RGS7: variants seen among roughly 807,000 people sequenced by gnomAD.
The protein encoded by RGS7 is regulator of G protein signaling 7, also known as regulator of G-protein signaling 7.
Under a neutral mutation model 81.1 loss-of-function variants are expected in RGS7, and 27 were observed. The ratio of observed to expected loss-of-function variants is 0.33; its 90% CI spans 0.25 to 0.46. RGS7 has a LOEUF of 0.46. Among genes scored for constraint, RGS7 ranks in the 20% least tolerant of loss-of-function variants. The probability of loss-of-function intolerance (pLI) is 1.00; values close to 1 mark genes in which losing one functional copy is unlikely to be tolerated. For synonymous variants in RGS7, 208 were observed against 207.7 expected, an observed-to-expected ratio of 1.00 and a Z score of -0.01; for missense variants, 396 against 607.4, an observed-to-expected ratio of 0.65 and a Z score of 3.66.
intron 2 of RGS7, among the ~76,000 whole-genome samples, chr1:241,241,872 C>A (rs959245643): frequency 3.3e-5 from 5 of 151,850 alleles, no homozygotes; most frequent in African/African-American, 1.2e-4. Flanking sequence ...ATACTGTGTT[C>A]GCTTTTTGAA....
chr1:241,286,723 C>A (rs1156720939), intron 2 of RGS7, among the ~76,000 whole-genome samples: 1 of 152,184 alleles, frequency 6.6e-6, no homozygotes, highest in Admixed American at 6.5e-5. Context: ...CTTGCTGCTG[C>A]CAGCCCAACT....
chr1:241,030,762 T>A (rs2060047590), intron 3 of RGS7, among the ~76,000 whole-genome samples: 1 of 152,096 alleles, frequency 6.6e-6, no homozygotes, highest in South Asian at 2.1e-4. Context: ...CTTTTCTCTG[T>A]ATAGCAGCTG....
At chr1:240,843,277 T>C (rs2147890966) in intron 9 of RGS7, among the ~76,000 whole-genome samples, 1 of 152,294 alleles carries the variant, frequency 6.6e-6, no homozygotes, top group East Asian at 1.9e-4. Context: ...CTTTTTTCTT[T>C]TTTTTTGGGA....
intron 4 of RGS7, among the ~76,000 whole-genome samples, chr1:240,970,293 C>A (rs754128095): frequency 2.0e-5 from 3 of 152,126 alleles, no homozygotes; most frequent in Non-Finnish European, 2.9e-5. Flanking sequence ...GGGAAATACC[C>A]CCTACTTTGG....
intron 6 of RGS7, among the ~76,000 whole-genome samples, chr1:240,900,266 G>A (rs1669764976): frequency 6.6e-6 from 1 of 152,096 alleles, no homozygotes; most frequent in South Asian, 2.1e-4. Context: ...TGTTATTACC[G>A]ATCGTCTGAA....
intron 3 of RGS7, among the ~76,000 whole-genome samples, chr1:240,984,855 A>G (rs1685424346): frequency 6.6e-6 from 1 of 152,230 alleles, no homozygotes. Context: ...ACTTGACAAT[A>G]AAGTCCCAAA....
intron 18 of RGS7, among the ~76,000 whole-genome samples, chr1:240,800,318 C>A (rs571025256): frequency 6.6e-6 from 1 of 152,102 alleles, no homozygotes; most frequent in Non-Finnish European, 1.5e-5. Flanking sequence ...ATTCTCCATC[C>A]CTTTAATTCA....
At chr1:240,972,696 TAAAAA>T (rs34149848) in intron 4 of RGS7, among the ~76,000 whole-genome samples, 2 of 103,618 alleles carry the variant, frequency 1.9e-5, no homozygotes, top group African/African-American at 7.5e-5. Context: ...TAAAGTATAA[TAAAAA>T]AAAAAAAAAC....
chr1:240,866,510 C>CAA lies in RGS7; in HGVS notation c.609+2075_609+2076dup, dbSNP rs35934752. Among the ~76,000 whole-genome samples, 655 of 107,422 alleles carry CAA rather than the reference C, an allele frequency of 6.1e-3. 3 individuals carry two copies. Among genetic ancestry groups the CAA allele is most frequent in the African/African-American group, 0.021 (596 of 28,130 alleles). 70.5% of individuals were successfully genotyped at this position (107,422 alleles called of 152,430 possible). Reference sequence around the variant, plus strand: ...TGGGCAACAGAGCGAGACTCCGTCTCAAAAAAAAAAAAAAAAAGTTCAACA... The same window carrying CAA: ...TGGGCAACAGAGCGAGACTCCGTCTCAAAAAAAAAAAAAAAAAAAGTTCAACA... On this transcript the variant is annotated intron_variant, in intron 9 of 18. Coordinates refer to ENST00000440928, the MANE Select transcript of RGS7 (RefSeq NM_001364886.1).
At chr1:241,211,177 C>T (rs2074220991) in intron 2 of RGS7, among the ~76,000 whole-genome samples, 2 of 152,002 alleles carry the variant, frequency 1.3e-5, no homozygotes, top group Admixed American at 1.3e-4. Context: ...CCCAGCTACT[C>T]GGGAGGCTGA....
At chr1:241,275,289 C>G (rs2078134097) in intron 2 of RGS7, among the ~76,000 whole-genome samples, 1 of 152,188 alleles carries the variant, frequency 6.6e-6, no homozygotes, top group African/African-American at 2.4e-5. Context: ...GGTGGAGTAC[C>G]TACTAATTTA....
chr1:241,013,205 G>C (rs2059057360), intron 3 of RGS7, among the ~76,000 whole-genome samples: 1 of 151,956 alleles, frequency 6.6e-6, no homozygotes, highest in African/African-American at 2.4e-5. Context: ...TAGGATTACA[G>C]GTGTGCACCA....
chr1:240,996,723 G>A (rs1025861904), intron 3 of RGS7, among the ~76,000 whole-genome samples: 2 of 152,136 alleles, frequency 1.3e-5, no homozygotes, highest in Non-Finnish European at 2.9e-5. Flanking sequence ...GGGATAGCAT[G>A]TAGTTGAGCC....
At chr1:241,078,982 A>G (rs1327431408) in intron 3 of RGS7, among the ~76,000 whole-genome samples, 1 of 152,212 alleles carries the variant, frequency 6.6e-6, no homozygotes, top group Non-Finnish European at 1.5e-5. Flanking sequence ...CCAATCTTCT[A>G]AAAATTAACT....
intron 3 of RGS7, among the ~76,000 whole-genome samples, chr1:241,052,317 G>A (rs1428061388): frequency 6.6e-6 from 1 of 152,106 alleles, no homozygotes; most frequent in East Asian, 1.9e-4. Context: ...AAGGAGAAAA[G>A]AAACAGGCTA....
At chr1:241,063,426 G>A (rs770180568) in intron 3 of RGS7, among the ~76,000 whole-genome samples, 17 of 152,140 alleles carry the variant, frequency 1.1e-4, no homozygotes, top group Non-Finnish European at 2.1e-4. Flanking sequence ...CCTATCAACC[G>A]TCAGAAGTGC....
At chr1:240,814,578 A>G in intron 12 of RGS7, 138 bp downstream of exon 12, 3 of 654,098 alleles carry the variant, frequency 4.6e-6, no homozygotes, top group Non-Finnish European at 8.2e-6. Context: ...ATGTGCAAAA[A>G]GGAAAACAAA....
intron 3 of RGS7, among the ~76,000 whole-genome samples, chr1:241,056,385 A>T (rs1313313777): frequency 2.6e-5 from 4 of 152,080 alleles, no homozygotes; most frequent in Admixed American, 1.3e-4. Flanking sequence ...CACTGTACCC[A>T]TCTCATCTCA....
At chr1:241,115,825 G>C (rs2065852146) in intron 2 of RGS7, among the ~76,000 whole-genome samples, 1 of 152,138 alleles carries the variant, frequency 6.6e-6, no homozygotes, top group African/African-American at 2.4e-5. Context: ...GTGACCTATT[G>C]ATATGGTTTA....
Sources: allele counts gnomAD v4.1 joint callset (sites outside exome capture counted in the v4.1 genomes callset), GRCh38; gene constraint gnomAD v4.1.1; transcripts MANE v1.5; gene names NCBI Gene and HGNC (gene_info 2026-07-23, HGNC 2026-07-21).